The following DNAI4 variants were observed in gnomAD, a reference collection of about 807,000 sequenced individuals.
DNAI4 encodes the protein dynein axonemal intermediate chain 4, also known as WD repeat domain 78.
A neutral mutation model predicts 105.8 loss-of-function variants in DNAI4; 85 were observed. That is an observed-to-expected ratio of 0.80 (90% confidence interval 0.67 to 0.96). The LOEUF is 0.96. Ranked by LOEUF, DNAI4 falls within the 40% of genes least tolerant of loss-of-function variation. The pLI is 0.00. For missense variants in DNAI4, 1,014 were observed against 1,005.6 expected, an observed-to-expected ratio of 1.01 and a Z score of -0.11; for synonymous variants, 352 against 331.5, an observed-to-expected ratio of 1.06 and a Z score of -0.67.
chr1:66,868,727 A>G (rs544200043), intron 6 of DNAI4, among the ~76,000 whole-genome samples: 4 of 152,208 alleles, frequency 2.6e-5, no homozygotes, highest in African/African-American at 9.6e-5. Context: ...CTCAGCCTCC[A>G]TAATTACATA....
chr1:66,837,891 A>G, intron 9 of DNAI4, 95 bp from the exon 10 acceptor site: 1 of 1,198,322 alleles, frequency 8.3e-7, no homozygotes, highest in Non-Finnish European at 1.2e-6. Context: ...TGTGTTAAAA[A>G]TAGTAGTAAG....
At chr1:66,820,071 G>A (rs1203652888) in intron 16 of DNAI4, among the ~76,000 whole-genome samples, 1 of 152,130 alleles carries the variant, frequency 6.6e-6, no homozygotes, top group African/African-American at 2.4e-5. Flanking sequence ...TGGTCATTGA[G>A]TTGTGTATCT....
intron 7 of DNAI4, chr1:66,848,297 T>A (rs1479714006): frequency 8.8e-6 from 4 of 455,918 alleles, no homozygotes; most frequent in South Asian, 1.6e-5. Flanking sequence ...ATCACGTCTC[T>A]CTCCCAGACC....
rs747466472 is a variant in DNAI4, at chr1:66,924,838, G to C, written c.-7C>G. The C allele has an allele frequency of 2.5e-6, 4 of 1,613,532 alleles. No individual in the cohort carries two copies. Among genetic ancestry groups the C allele is most frequent in the Non-Finnish European group, 3.4e-6 (4 of 1,179,756 alleles). ...AATGTTTGCCGGGCGTCATGGCGAC[G>C]GTGGAGCCCTGGCTCAACAAGCGGC... On this transcript the variant is annotated 5_prime_UTR_variant, in exon 1 of 17. Transcript: ENST00000371026.
intron 10 of DNAI4, among the ~76,000 whole-genome samples, chr1:66,836,140 A>AAAAGAAAG (rs1165479234): frequency 1.0e-4 from 10 of 96,066 alleles, no homozygotes; most frequent in Admixed American, 2.4e-4. Flanking sequence ...AGAAAGAAAG[A>AAAAGAAAG]AAAGAAAGAA....
At chr1:66,917,632 G>A (rs1013874595) in intron 1 of DNAI4, among the ~76,000 whole-genome samples, 4 of 152,084 alleles carry the variant, frequency 2.6e-5, no homozygotes, top group Non-Finnish European at 5.9e-5. Context: ...CTTTTCTTTT[G>A]AGCTATTGAC....
rs762361258 is a variant in DNAI4 at position 66,891,283 on chromosome 1, C to T, written c.531-17G>A. On this transcript the variant is annotated splice_polypyrimidine_tract_variant and intron_variant, in intron 3 of 16. Transcript: ENST00000371026. Reference sequence around the variant, plus strand: ...AAAACTGACCTTTAATAATGAATAACAAAATTACTCATTTATTTAGATGTC... The same window carrying T: ...AAAACTGACCTTTAATAATGAATAATAAAATTACTCATTTATTTAGATGTC... The T allele has an allele frequency of 3.3e-6, 5 of 1,534,832 alleles. No individual in the cohort carries two copies. The highest frequency in any genetic ancestry group is 4.5e-6 in the Non-Finnish European group (5 of 1,109,986).
At chr1:66,857,247 A>G (rs1646520517) in intron 7 of DNAI4, among the ~76,000 whole-genome samples, 1 of 149,678 alleles carries the variant, frequency 6.7e-6, no homozygotes, top group African/African-American at 2.5e-5. Context: ...GAAAAAACCA[A>G]ACACCACATG....
chr1:66,834,988 A>G (rs1454326910), intron 11 of DNAI4, among the ~76,000 whole-genome samples: 1 of 152,122 alleles, frequency 6.6e-6, no homozygotes, highest in Non-Finnish European at 1.5e-5. Flanking sequence ...CCCCATTGGT[A>G]TCTTGTCTAT....
intron 5 of DNAI4, among the ~76,000 whole-genome samples, chr1:66,874,225 T>C (rs1646914457): frequency 6.6e-6 from 1 of 152,108 alleles, no homozygotes; most frequent in African/African-American, 2.4e-5. Flanking sequence ...TAAATGTGTA[T>C]CTGCCTAACA....
At chr1:66,892,962 A>AGAGAAAGAGAGAAAGAGAAGAAAGAG (rs1491009275) in intron 3 of DNAI4, among the ~76,000 whole-genome samples, 2 of 128,016 alleles carry the variant, frequency 1.6e-5, no homozygotes, top group African/African-American at 7.0e-5. Context: ...AGAAAGAAAG[A>AGAGAAAGAGAGAAAGAGAAGAAAGAG]AAGAAAGAAA....
At chr1:66,860,691 T>C (rs1227578725) in intron 7 of DNAI4, 1 of 152,066 alleles carries the variant, frequency 6.6e-6, no homozygotes, top group African/African-American at 2.4e-5. Context: ...TGAGATTTAT[T>C]TTTTGTGGGG....
At chr1:66,825,734 T>C (rs1382641636) in intron 15 of DNAI4, among the ~76,000 whole-genome samples, 1 of 152,218 alleles carries the variant, frequency 6.6e-6, no homozygotes, top group Non-Finnish European at 1.5e-5. Flanking sequence ...AGTCACCTCA[T>C]ACTTGTAATC....
chr1:66,881,667 C>T (rs767523245), intron 4 of DNAI4, among the ~76,000 whole-genome samples: 9 of 152,124 alleles, frequency 5.9e-5, no homozygotes, highest in Non-Finnish European at 1.0e-4. Flanking sequence ...AAGGGACTTG[C>T]CTTGTCTCAG....
rs1454706012 is a variant in DNAI4, at chr1:66,871,526, G to A, written c.801-17C>T. The A allele has an allele frequency of 6.4e-7, 1 of 1,558,864 alleles. No individual in the cohort carries two copies. Among genetic ancestry groups the A allele is most frequent in the Non-Finnish European group, 8.7e-7 (1 of 1,154,526 alleles). ...TTTCTCTGACTGTAAAAAATAAAGT[G>A]TATCCAACTCATTAATAAGAATCAT... On this transcript the variant is annotated splice_polypyrimidine_tract_variant and intron_variant, in intron 5 of 16. Coordinates refer to ENST00000371026, the MANE Select transcript of DNAI4 (RefSeq NM_024763.5).
chr1:66,924,612 C>G, intron 1 of DNAI4, 50 bp downstream of exon 1: 1 of 1,613,750 alleles, frequency 6.2e-7, no homozygotes, highest in Non-Finnish European at 8.5e-7. Context: ...TAGAAGGGCT[C>G]CCTCCGGGTC....
rs1244507581 is a variant in DNAI4 at position 66,840,606 on chromosome 1, A to G, written c.1357T>C (p.Ser453Pro). Reference protein sequence around the residue: ...SAKHEEVEEESKKEEEEEIHA... With the variant: ...SAKHEEVEEEPKKEEEEEIHA... ...ATTTCTTCTTCCTCCTCCTTCTTAG[A>G]TTCTTCCTCTACCTCTTCATGTTTT... is the stretch of plus-strand genomic sequence containing the variant. The change falls in exon 9 of 17, where the codon TCT becomes CCT. Residue 453 changes from serine to proline, a missense_variant. Physicochemically the swap from Ser to Pro is moderately conservative, Grantham distance 74. Transcript: ENST00000371026. 8 of 1,614,076 alleles carry G rather than the reference A, an allele frequency of 5.0e-6. No individual in the cohort carries two copies. In the Admixed American group the frequency reaches 5.0e-5, roughly 10 times the overall value.
intron 7 of DNAI4, among the ~76,000 whole-genome samples, chr1:66,856,949 C>T (rs970365041): frequency 2.0e-5 from 3 of 151,364 alleles, no homozygotes; most frequent in African/African-American, 7.3e-5. Context: ...TAAACATAAA[C>T]CTAAAGCAAG....
intron 15 of DNAI4, among the ~76,000 whole-genome samples, chr1:66,826,377 C>A (rs1354704641): frequency 3.3e-5 from 5 of 152,060 alleles, no homozygotes; most frequent in Non-Finnish European, 7.4e-5. Context: ...TGGCTCACTG[C>A]AACCTCTGCC....
Sources: gnomAD v4.1 joint callset for allele counts (sites outside exome capture counted in the v4.1 genomes callset) on GRCh38, gnomAD v4.1.1 for gene constraint, MANE v1.5 for transcripts, NCBI Gene and HGNC (gene_info 2026-07-23, HGNC 2026-07-21) for gene names.